TLN2: variants seen among roughly 807,000 people sequenced by gnomAD.
TLN2 encodes talin-2.
Under a neutral mutation model 294.7 loss-of-function variants are expected in TLN2, and 118 were observed. The observed-to-expected ratio is 0.40, with a 90% CI of 0.34 to 0.47. TLN2 has a LOEUF of 0.47. TLN2 is among the 20% of genes least tolerant of loss of function. TLN2 has a pLI of 0.84. For synonymous variants in TLN2, 1,431 were observed against 1,304.5 expected, an observed-to-expected ratio of 1.10 and a Z score of -2.09; for missense variants, 3,083 against 3,282.2, an observed-to-expected ratio of 0.94 and a Z score of 1.48.
At chr15:62,520,570 T>C (rs2040406294) in intron 1 of TLN2, among the ~76,000 whole-genome samples, 1 of 152,210 alleles carries the variant, frequency 6.6e-6, no homozygotes, top group African/African-American at 2.4e-5. Context: ...TATCTACCCC[T>C]CTGTTGGCAA....
In TLN2 at chr15:62,783,756, G is replaced by A. The variant is rs1302836976; in HGVS notation, c.5617-15G>A. ...GTGTGTGTGTGTGTGTGTCTTGCTT[G>A]TTTTCTTTTTCCAGATGACTAAGTC... On this transcript the variant is annotated splice_polypyrimidine_tract_variant and intron_variant, in intron 44 of 58. Transcript: ENST00000636159. The A allele has an allele frequency of 3.2e-6, 5 of 1,583,754 alleles. No individual in the cohort carries two copies. The Admixed American group carries it at 6.9e-5, about 22-fold the overall frequency.
chr15:62,541,021 T>A (rs118186523), intron 1 of TLN2, among the ~76,000 whole-genome samples: 1 of 152,110 alleles, frequency 6.6e-6, no homozygotes, highest in African/African-American at 2.4e-5. Context: ...GTCATGTGCT[T>A]TAGGAACTAG....
At chr15:62,751,902 G>A (rs1201836617) in intron 34 of TLN2, among the ~76,000 whole-genome samples, 1 of 152,202 alleles carries the variant, frequency 6.6e-6, no homozygotes, top group East Asian at 1.9e-4. Context: ...TTTACTGTCA[G>A]TAACTAGACA....
chr15:62,405,891 A>G (rs1161776365), intron 1 of TLN2, among the ~76,000 whole-genome samples: 1 of 152,198 alleles, frequency 6.6e-6, no homozygotes, highest in Non-Finnish European at 1.5e-5. Flanking sequence ...CAGTAGCTAT[A>G]GGCTGGAGAC....
At chr15:62,566,897 G>A (rs1293225473) in intron 1 of TLN2, among the ~76,000 whole-genome samples, 2 of 151,220 alleles carry the variant, frequency 1.3e-5, no homozygotes, top group African/African-American at 2.4e-5. Flanking sequence ...TGCTGTCATT[G>A]TAACCCTTAT....
At chr15:62,799,764 G>A (rs1158686741) in intron 48 of TLN2, among the ~76,000 whole-genome samples, 1 of 152,218 alleles carries the variant, frequency 6.6e-6, no homozygotes, top group Non-Finnish European at 1.5e-5. Context: ...TTGTGGGAGT[G>A]GGCCCTTAGC....
intron 45 of TLN2, among the ~76,000 whole-genome samples, chr15:62,786,865 G>A (rs140302528): frequency 5.9e-5 from 9 of 152,210 alleles, no homozygotes; most frequent in East Asian, 3.9e-4. Context: ...GGCAAAAACC[G>A]CAATTACTTT....
intron 2 of TLN2, among the ~76,000 whole-genome samples, chr15:62,606,541 A>C (rs994566831): frequency 2.0e-5 from 3 of 152,186 alleles, no homozygotes; most frequent in African/African-American, 7.2e-5. Context: ...GAGTCAGAAC[A>C]TGGTCCTGGT....
At chr15:62,732,890 G>T (rs2060807789) in intron 28 of TLN2, among the ~76,000 whole-genome samples, 1 of 152,148 alleles carries the variant, frequency 6.6e-6, no homozygotes, top group South Asian at 2.1e-4. Flanking sequence ...CAGGAATGCT[G>T]GGTTCGGCAC....
intron 2 of TLN2, among the ~76,000 whole-genome samples, chr15:62,597,130 C>T (rs1337852547): frequency 1.3e-5 from 2 of 152,142 alleles, no homozygotes; most frequent in Non-Finnish European, 2.9e-5. Context: ...CACAGGCAGC[C>T]AGCCTTTTTC....
chr15:62,578,209 G>A (rs560614451), intron 1 of TLN2, among the ~76,000 whole-genome samples: 4 of 152,208 alleles, frequency 2.6e-5, no homozygotes, highest in East Asian at 1.9e-4. Flanking sequence ...GGTACATGAC[G>A]TGGTAAATAA....
At chr15:62,809,164 T>A (rs1201675095) in intron 51 of TLN2, among the ~76,000 whole-genome samples, 1 of 152,098 alleles carries the variant, frequency 6.6e-6, no homozygotes, top group Non-Finnish European at 1.5e-5. Flanking sequence ...TTGCTAAAAA[T>A]TTTTTTTCAT....
intron 14 of TLN2, among the ~76,000 whole-genome samples, chr15:62,695,359 T>G (rs2058253419): frequency 6.6e-6 from 1 of 152,212 alleles, no homozygotes; most frequent in Non-Finnish European, 1.5e-5. Context: ...GGGACAATCC[T>G]GACCATTCTT....
intron 3 of TLN2, among the ~76,000 whole-genome samples, chr15:62,644,005 A>C (rs531065991): frequency 3.9e-5 from 6 of 152,210 alleles, no homozygotes; most frequent in Admixed American, 1.3e-4. Context: ...CTTTTGGATT[A>C]CAAAGTCTTA....
At chr15:62,660,740 T>C (rs2053721913) in intron 9 of TLN2, among the ~76,000 whole-genome samples, 1 of 152,216 alleles carries the variant, frequency 6.6e-6, no homozygotes, top group South Asian at 2.1e-4. Flanking sequence ...CTTTAACTCA[T>C]TGAGAACTTG....
rs763607755 is a variant in TLN2, at chr15:62,739,480, G to C, written c.3820G>C (p.Gly1274Arg). The C allele has an allele frequency of 6.2e-7, 1 of 1,614,180 alleles. No individual in the cohort carries two copies. Among genetic ancestry groups the C allele is most frequent in the Non-Finnish European group, 8.5e-7 (1 of 1,180,026 alleles). The stretch of plus-strand genomic sequence containing the variant: ...GAGTGGAGAGTTGGCTGCAGCCTCT[G>C]GAAAGTTCAGTGATGATTTTGATGA... Reference protein sequence around the residue: ...GQSGELAAASGKFSDDFDEFL... With the variant: ...GQSGELAAASRKFSDDFDEFL... The change falls in exon 31 of 59, where the codon GGA (glycine) becomes CGA (arginine). Residue 1274 changes from glycine to arginine, a missense_variant. By Grantham distance (125) the Gly-to-Arg change is moderately radical. Transcript: ENST00000636159.
intron 1 of TLN2, among the ~76,000 whole-genome samples, chr15:62,405,246 G>C (rs545520599): frequency 1.3e-5 from 2 of 152,128 alleles, no homozygotes; most frequent in Non-Finnish European, 2.9e-5. Flanking sequence ...TGCTAGTTCC[G>C]AAACCCCACC....
At chr15:62,732,844 C>T (rs2060804694) in intron 28 of TLN2, among the ~76,000 whole-genome samples, 1 of 152,096 alleles carries the variant, frequency 6.6e-6, no homozygotes, top group Non-Finnish European at 1.5e-5. Context: ...CTGGTGGGAA[C>T]ACAGGACCAT....
intron 44 of TLN2, among the ~76,000 whole-genome samples, chr15:62,782,329 G>A (rs2064248391): frequency 6.6e-6 from 1 of 152,236 alleles, no homozygotes; most frequent in Non-Finnish European, 1.5e-5. Context: ...AAAAGCTGGA[G>A]CTGAGCCCAG....
Sources: allele counts gnomAD v4.1 joint callset (sites outside exome capture counted in the v4.1 genomes callset), GRCh38; gene constraint gnomAD v4.1.1; transcripts MANE v1.5; gene names NCBI Gene and HGNC (gene_info 2026-07-23, HGNC 2026-07-21).